Variants in BRD10 observed in about 807,000 individuals in gnomAD.
BRD10 encodes uncharacterized bromodomain-containing protein 10.
the BRD10 span, among the ~76,000 whole-genome samples, chr9:5,880,842 T>C: frequency 3.3e-5 from 5 of 151,888 alleles, no homozygotes; most frequent in Admixed American, 6.5e-5. Flanking sequence ...GTAGCTAGGA[T>C]TACAGGCGTG....
the BRD10 span, chr9:5,919,473 G>A: frequency 2.0e-6 from 1 of 493,858 alleles, no homozygotes; most frequent in South Asian, 3.4e-5. Context: ...AACAGTAAGT[G>A]AAATGGAACA....
At chr9:6,008,050 G>A in the BRD10 span, 4 of 1,136,772 alleles carry the variant, frequency 3.5e-6, 1 homozygote, top group South Asian at 8.3e-5. Context: ...CCCCGGCGGC[G>A]GCGCGCGCAC....
chr9:5,920,379 G>C, the BRD10 span: 1 of 1,613,844 alleles, frequency 6.2e-7, no homozygotes, highest in Non-Finnish European at 8.5e-7. Context: ...ATTTTTTGCT[G>C]AATACAAGGT....
chr9:5,906,594 C>T, the BRD10 span, among the ~76,000 whole-genome samples: 1 of 152,214 alleles, frequency 6.6e-6, no homozygotes. Flanking sequence ...ATTCACTCTT[C>T]TTATCCTTCC....
At chr9:5,917,509 G>A in the BRD10 span, among the ~76,000 whole-genome samples, 1 of 152,208 alleles carries the variant, frequency 6.6e-6, no homozygotes, top group Non-Finnish European at 1.5e-5. Flanking sequence ...AGCTATGAAG[G>A]TCATATTAGA....
the BRD10 span, among the ~76,000 whole-genome samples, chr9:5,973,749 G>GC: frequency 3.9e-5 from 6 of 152,130 alleles, no homozygotes; most frequent in Non-Finnish European, 8.8e-5. Context: ...TGGTGTGGTG[G>GC]CACAGGCCTG....
chr9:5,920,425 G>A, the BRD10 span: 6 of 1,613,998 alleles, frequency 3.7e-6, no homozygotes, highest in East Asian at 6.7e-5. Flanking sequence ...TAGTTACATT[G>A]GATGGTGCCG....
the BRD10 span, among the ~76,000 whole-genome samples, chr9:5,946,675 T>C: frequency 6.6e-6 from 1 of 152,116 alleles, no homozygotes; most frequent in Non-Finnish European, 1.5e-5. Context: ...TACTTGTTAA[T>C]ATCAAATCAT....
At chr9:5,935,540 A>G in the BRD10 span, among the ~76,000 whole-genome samples, 2 of 152,216 alleles carry the variant, frequency 1.3e-5, no homozygotes, top group African/African-American at 4.8e-5. Flanking sequence ...CCACTGGTTG[A>G]GTATCTGAAT....
the BRD10 span, among the ~76,000 whole-genome samples, chr9:5,930,948 T>G: frequency 6.6e-6 from 1 of 152,232 alleles, no homozygotes; most frequent in Non-Finnish European, 1.5e-5. Context: ...GTAACCAACA[T>G]TCTTCCACTT....
At chr9:5,885,527 C>A in the BRD10 span, among the ~76,000 whole-genome samples, 14 of 152,052 alleles carry the variant, frequency 9.2e-5, no homozygotes, top group Non-Finnish European at 1.5e-4. Context: ...TGCACCACCA[C>A]GCCCGGCTAA....
chr9:5,950,454 C>T, the BRD10 span, among the ~76,000 whole-genome samples: 1 of 152,152 alleles, frequency 6.6e-6, no homozygotes, highest in Non-Finnish European at 1.5e-5. Context: ...TACCTTACCC[C>T]ACAGAGTTAA....
At chr9:5,882,299 C>T in the BRD10 span, among the ~76,000 whole-genome samples, 3 of 152,132 alleles carry the variant, frequency 2.0e-5, no homozygotes, top group Non-Finnish European at 2.9e-5. Context: ...TCCCTGTTGC[C>T]TTAGCCTTGA....
the BRD10 span, among the ~76,000 whole-genome samples, chr9:5,945,302 T>A: frequency 6.6e-6 from 1 of 152,084 alleles, no homozygotes; most frequent in Non-Finnish European, 1.5e-5. Flanking sequence ...TCACAGGTTG[T>A]CAAATCACCT....
chr9:5,879,956 G>A, the BRD10 span, among the ~76,000 whole-genome samples: 1 of 152,176 alleles, frequency 6.6e-6, no homozygotes, highest in East Asian at 1.9e-4. Flanking sequence ...ATCTCGCTCT[G>A]TCTCCCAAGC....
chr9:5,988,557 A>G, the BRD10 span: 149 of 1,603,776 alleles, frequency 9.3e-5, no homozygotes, highest in African/African-American at 9.2e-4. Flanking sequence ...TTGGAGAAGA[A>G]TAAGTCAATT....
the BRD10 span, among the ~76,000 whole-genome samples, chr9:5,890,444 C>T: frequency 7.2e-5 from 11 of 152,122 alleles, no homozygotes; most frequent in Non-Finnish European, 1.0e-4. Flanking sequence ...TCCATGAGTT[C>T]TCTGTGATGC....
chr9:6,008,172 C>T, the BRD10 span: 1 of 974,286 alleles, frequency 1.0e-6, no homozygotes, highest in Non-Finnish European at 1.2e-6. Context: ...CAGCGGGGGG[C>T]TGGGAGGGGG....
At chr9:6,007,295 G>T in the BRD10 span, 96 of 1,613,758 alleles carry the variant, frequency 5.9e-5, no homozygotes, top group Non-Finnish European at 8.1e-5. Flanking sequence ...CACGTCTCCA[G>T]CATCAACCTG....
Sources: allele counts gnomAD v4.1 joint callset (sites outside exome capture counted in the v4.1 genomes callset), GRCh38; gene constraint gnomAD v4.1.1; transcripts MANE v1.5; gene names NCBI Gene and HGNC (gene_info 2026-07-23, HGNC 2026-07-21).